Variants in ATP9A observed in about 807,000 individuals in gnomAD.
ATP9A encodes probable phospholipid-transporting ATPase IIA.
Under a neutral mutation model 144.1 loss-of-function variants are expected in ATP9A, and 52 were observed. The observed-to-expected ratio is 0.36, with a 90% CI of 0.29 to 0.45. The LOEUF is 0.45. Among genes scored for constraint, ATP9A ranks in the 20% least tolerant of loss-of-function variants. The pLI is 1.00. For synonymous variants in ATP9A, 582 were observed against 557.4 expected (o/e 1.04, Z -0.62); for missense variants, 947 against 1,392.7 (o/e 0.68, Z 5.09).
intron 7 of ATP9A, among the ~76,000 whole-genome samples, chr20:51,691,689 C>T (rs962289504): frequency 6.6e-6 from 1 of 152,202 alleles, no homozygotes; most frequent in Admixed American, 6.5e-5. Context: ...AACAGCACTT[C>T]CTCAAAAAAT....
At chr20:51,708,200 C>T (rs1423041355) in intron 4 of ATP9A, among the ~76,000 whole-genome samples, 2 of 151,830 alleles carry the variant, frequency 1.3e-5, no homozygotes, top group Non-Finnish European at 2.9e-5. Context: ...ATCTGTAATC[C>T]CAGCACTTTG....
intron 1 of ATP9A, among the ~76,000 whole-genome samples, chr20:51,739,245 T>G (rs2077774864): frequency 6.6e-6 from 1 of 152,114 alleles, no homozygotes; most frequent in Non-Finnish European, 1.5e-5. Flanking sequence ...CAACCAGGTC[T>G]GAACCCTGGC....
intron 13 of ATP9A, among the ~76,000 whole-genome samples, chr20:51,660,028 A>G (rs2077404599): frequency 6.6e-6 from 1 of 152,260 alleles, no homozygotes; most frequent in South Asian, 2.1e-4. Context: ...AAAATTATAA[A>G]GAAAAGATTT....
intron 15 of ATP9A, among the ~76,000 whole-genome samples, chr20:51,638,147 G>A (rs1317693645): frequency 8.5e-6 from 1 of 117,706 alleles, no homozygotes; most frequent in Non-Finnish European, 1.7e-5. Context: ...TTATCCACTT[G>A]TTGACTGATG....
At chr20:51,760,721 G>A (rs1333059302) in intron 1 of ATP9A, among the ~76,000 whole-genome samples, 12 of 91,842 alleles carry the variant, frequency 1.3e-4, no homozygotes, top group Admixed American at 5.8e-4. Flanking sequence ...GCAAGACTCC[G>A]TCTCAAAAAA....
intron 11 of ATP9A, among the ~76,000 whole-genome samples, chr20:51,672,113 C>A (rs2122789187): frequency 6.6e-6 from 1 of 152,070 alleles, no homozygotes; most frequent in African/African-American, 2.4e-5. Flanking sequence ...ATTTAACTAC[C>A]TTAGACACTG....
intron 14 of ATP9A, among the ~76,000 whole-genome samples, chr20:51,642,761 A>AAAAAAAAAAC (rs2077326084): frequency 7.2e-6 from 1 of 137,968 alleles, no homozygotes; most frequent in African/African-American, 2.7e-5. Context: ...AAAAAAAAAA[A>AAAAAAAAAAC]AAACCTGGCG....
intron 1 of ATP9A, among the ~76,000 whole-genome samples, chr20:51,762,563 G>A (rs1350532125): frequency 2.0e-5 from 3 of 152,002 alleles, no homozygotes; most frequent in Non-Finnish European, 4.4e-5. Context: ...GGAGGCCGAT[G>A]CATGAGAATC....
chr20:51,651,499 C>CT (rs2077366598), intron 14 of ATP9A, among the ~76,000 whole-genome samples: 1 of 150,440 alleles, frequency 6.6e-6, no homozygotes, highest in African/African-American at 2.4e-5. Flanking sequence ...TAGAAGGAGT[C>CT]TGAGAAAATC....
intron 13 of ATP9A, among the ~76,000 whole-genome samples, chr20:51,660,982 C>A (rs111970170): frequency 6.6e-6 from 1 of 152,312 alleles, no homozygotes; most frequent in East Asian, 1.9e-4. Context: ...CAGCTCCACA[C>A]GAGGTCAGAA....
At chr20:51,669,760 TG>T (rs1314168626) in intron 13 of ATP9A, among the ~76,000 whole-genome samples, 1 of 152,036 alleles carries the variant, frequency 6.6e-6, no homozygotes, top group East Asian at 1.9e-4. Context: ...GTGGGTGTCA[TG>T]GGTATAGAAG....
chr20:51,735,147 T>C (rs1026639750), intron 1 of ATP9A: 2 of 154,194 alleles, frequency 1.3e-5, no homozygotes, highest in African/African-American at 4.8e-5. Flanking sequence ...GGTATCTTCC[T>C]GTGCTATTTG....
intron 5 of ATP9A, 36 bp downstream of exon 5, chr20:51,697,388 G>A: frequency 6.3e-7 from 1 of 1,595,518 alleles, no homozygotes; most frequent in Non-Finnish European, 8.6e-7. Context: ...GACCCATGAA[G>A]TGGTATCCAC....
chr20:51,730,852 T>G (rs2077737803), intron 1 of ATP9A, among the ~76,000 whole-genome samples: 1 of 152,196 alleles, frequency 6.6e-6, no homozygotes, highest in South Asian at 2.1e-4. Context: ...TATGTCATTA[T>G]GTGGCAAAAG....
intron 8 of ATP9A, among the ~76,000 whole-genome samples, chr20:51,690,201 A>G (rs2077541671): frequency 6.6e-6 from 1 of 150,406 alleles, no homozygotes; most frequent in South Asian, 2.1e-4. Flanking sequence ...CGGGCGGATC[A>G]CAAGGTCAGG....
At chr20:51,676,080 C>A in intron 10 of ATP9A, 52 bp downstream of exon 10, 1 of 1,437,900 alleles carries the variant, frequency 7.0e-7, no homozygotes, top group Non-Finnish European at 9.7e-7. Context: ...ACTCACCCAC[C>A]AGAACCAACC....
chr20:51,609,571 G>T (rs1347868567), intron 24 of ATP9A, among the ~76,000 whole-genome samples: 2 of 152,118 alleles, frequency 1.3e-5, no homozygotes, highest in Non-Finnish European at 2.9e-5. Flanking sequence ...AGTAATGGGG[G>T]TGGGTTTGCA....
At chr20:51,738,474 C>T (rs1315710929) in intron 1 of ATP9A, among the ~76,000 whole-genome samples, 3 of 151,838 alleles carry the variant, frequency 2.0e-5, no homozygotes, top group South Asian at 2.1e-4. Flanking sequence ...GAGGCCGAGG[C>T]GAGCAGATCA....
intron 3 of ATP9A, among the ~76,000 whole-genome samples, chr20:51,714,103 C>A (rs980199828): frequency 1.3e-5 from 2 of 151,888 alleles, no homozygotes; most frequent in African/African-American, 2.4e-5. Flanking sequence ...GACGAGGTTT[C>A]ACCATATTGG....
Sources: gnomAD v4.1 joint callset for allele counts (sites outside exome capture counted in the v4.1 genomes callset) on GRCh38, gnomAD v4.1.1 for gene constraint, MANE v1.5 for transcripts, NCBI Gene and HGNC (gene_info 2026-07-23, HGNC 2026-07-21) for gene names.